Variants in SMAD2 observed in about 807,000 individuals in gnomAD.
SMAD2 encodes the protein MAD homolog 2.
Under a neutral mutation model 64.4 loss-of-function variants are expected in SMAD2, and 8 were observed. The observed-to-expected ratio is 0.12, with a 90% CI of 0.07 to 0.22. The LOEUF is 0.22. SMAD2 is among the 10% of genes least tolerant of loss of function. The pLI is 1.00. For missense variants in SMAD2, 289 were observed against 561.2 expected (o/e 0.51, Z 4.90); for synonymous variants, 203 against 195.8 (o/e 1.04, Z -0.31).
At chr18:47,883,184 CT>C (rs1237128368) in intron 2 of SMAD2, among the ~76,000 whole-genome samples, 18 of 152,332 alleles carry the variant, frequency 1.2e-4, no homozygotes, top group African/African-American at 3.8e-4. Flanking sequence ...ACTCTTTCAG[CT>C]ACATCCCACA....
At chr18:47,858,254 G>T (rs371485158) in intron 6 of SMAD2, among the ~76,000 whole-genome samples, 2 of 152,080 alleles carry the variant, frequency 1.3e-5, no homozygotes, top group East Asian at 3.9e-4. Context: ...CTTTAAAATG[G>T]AAATTATATA....
In SMAD2 at chr18:47,810,915, T is replaced by C. The variant is rs1045373518; in HGVS notation, c.*30912A>G. The C allele has an allele frequency of 5.9e-5, 9 of 152,266 alleles. No individual in the cohort carries two copies. Among genetic ancestry groups the C allele is most frequent in the African/African-American group, 2.2e-4 (9 of 41,462 alleles). The allele number at this position is 152,266 out of a possible 1,614,324, so 9.4% of individuals were successfully genotyped here. A position where few individuals can be genotyped will look rare whatever the true frequency, so the allele number is the denominator to read the frequency against. The stretch of plus-strand genomic sequence containing the variant: ...TGGGATGCAAATCGTGGTTTTCTTA[T>C]GCCAAAACAACTTCCGTGCCTGTCT... On this transcript the variant is annotated 3_prime_UTR_variant, in exon 11 of 11. Coordinates refer to ENST00000262160, the MANE Select transcript of SMAD2 (RefSeq NM_005901.6).
intron 6 of SMAD2, among the ~76,000 whole-genome samples, chr18:47,858,818 T>C (rs937916699): frequency 6.6e-6 from 1 of 152,084 alleles, no homozygotes; most frequent in South Asian, 2.1e-4. Flanking sequence ...GAAACAAAAA[T>C]TATTTGATTA....
intron 6 of SMAD2, among the ~76,000 whole-genome samples, chr18:47,859,999 G>A (rs1357921573): frequency 2.6e-5 from 4 of 152,136 alleles, no homozygotes; most frequent in African/African-American, 9.7e-5. Context: ...GCCAGGTGCA[G>A]TAGCATGTAC....
At chr18:47,895,246 A>C (rs1255176127) in intron 2 of SMAD2, 1 of 152,196 alleles carries the variant, frequency 6.6e-6, no homozygotes, top group Non-Finnish European at 1.5e-5. Flanking sequence ...CCTTTTAAAT[A>C]TTCTAATACA....
intron 2 of SMAD2, chr18:47,878,592 G>C (rs2032403044): frequency 6.6e-6 from 1 of 152,090 alleles, no homozygotes. Context: ...ACGCACTACT[G>C]CACTCCAGCC....
Position 47,839,270 on chromosome 18 carries a change from T to C in SMAD2, c.*2557A>G. 4.3e-6 allele frequency: 1 copy of C among 233,404 alleles called. No homozygotes were observed. The highest frequency in any genetic ancestry group is 8.5e-6 in the Non-Finnish European group (1 of 118,070). 14.5% of individuals were successfully genotyped at this position (233,404 alleles called of 1,614,324 possible). A position where few individuals can be genotyped will look rare whatever the true frequency, so the allele number is the denominator to read the frequency against. On this transcript the variant is annotated 3_prime_UTR_variant, in exon 11 of 11. Coordinates refer to ENST00000262160, the MANE Select transcript of SMAD2 (RefSeq NM_005901.6). ...GTAGGCACTGCTTGACCTAACACAG[T>C]AATGCAAGAGTAACCACCAAGATCA... is the stretch of plus-strand genomic sequence containing the variant.
chr18:47,929,726 A>T (rs577643107), intron 1 of SMAD2, among the ~76,000 whole-genome samples: 3 of 152,346 alleles, frequency 2.0e-5, no homozygotes, highest in African/African-American at 7.2e-5. Context: ...TAAGTAAAAG[A>T]CAAAAGTACC....
chr18:47,896,898 A>C, intron 1 of SMAD2, 89 bp from the exon 2 acceptor site: 4 of 1,241,232 alleles, frequency 3.2e-6, no homozygotes, highest in Non-Finnish European at 4.5e-6. Context: ...ACTGCAAAGC[A>C]AGATAGAAAT....
intron 6 of SMAD2, among the ~76,000 whole-genome samples, chr18:47,855,686 A>G (rs1362912597): frequency 6.6e-6 from 1 of 151,960 alleles, no homozygotes; most frequent in Non-Finnish European, 1.5e-5. Context: ...CAGTGTCACA[A>G]TCTTGGCTCA....
In SMAD2 at chr18:47,810,645, T is replaced by C. The variant is rs1436887946; in HGVS notation, c.*31182A>G. 1 of 152,086 alleles carries C rather than the reference T, an allele frequency of 6.6e-6. No individual in the cohort carries two copies. Among genetic ancestry groups the C allele is most frequent in the East Asian group, 1.9e-4 (1 of 5,180 alleles). 9.4% of individuals were successfully genotyped at this position (152,086 alleles called of 1,614,324 possible). On this transcript the variant is annotated 3_prime_UTR_variant, in exon 11 of 11. Coordinates refer to ENST00000262160, the MANE Select transcript of SMAD2 (RefSeq NM_005901.6). Reference sequence around the variant, plus strand: ...CCAACTAACATTTGACTTGGAAATATAAATAAAGCCCAGGCATGGTGGCTC... The same window carrying C: ...CCAACTAACATTTGACTTGGAAATACAAATAAAGCCCAGGCATGGTGGCTC...
intron 1 of SMAD2, among the ~76,000 whole-genome samples, chr18:47,919,475 C>T (rs1471434932): frequency 6.3e-4 from 5 of 7,948 alleles, no homozygotes; most frequent in Admixed American, 2.7e-3. Flanking sequence ...AAAATACACA[C>T]ACACACACAC....
At position 47,820,361 on chromosome 18, in the gene SMAD2, T is replaced by C. The variant is rs1284262144; in HGVS notation, c.*21466A>G. On this transcript the variant is annotated 3_prime_UTR_variant, in exon 11 of 11. Transcript: ENST00000262160. ...AAAATACACAATTCCATATACAAAG[T>C]GTACCCAAAAAAAGATGTTTTGATG... The C allele has an allele frequency of 6.6e-6, 1 of 152,096 alleles. No homozygotes were observed. Among genetic ancestry groups the C allele is most frequent in the African/African-American group, 2.4e-5 (1 of 41,428 alleles). The allele number at this position is 152,096 out of a possible 1,614,324, so 9.4% of individuals were successfully genotyped here.
chr18:47,927,526 A>G (rs1403978685), intron 1 of SMAD2, among the ~76,000 whole-genome samples: 1 of 152,266 alleles, frequency 6.6e-6, no homozygotes, highest in East Asian at 1.9e-4. Flanking sequence ...TTTGCTGTTA[A>G]GAGACTTTAT....
At position 47,835,382 on chromosome 18, in the gene SMAD2, T is replaced by G. The variant is rs1913322184; in HGVS notation, c.*6445A>C. ...TTATATAAAGCAATGGATTTCCACA[T>G]TCTTAAAGCAGGAACCTATATTCAC... On this transcript the variant is annotated 3_prime_UTR_variant, in exon 11 of 11. Coordinates refer to ENST00000262160, the MANE Select transcript of SMAD2 (RefSeq NM_005901.6). 1 of 203,704 alleles carries G rather than the reference T, an allele frequency of 4.9e-6. No homozygotes were observed. The highest frequency in any genetic ancestry group is 1.9e-4 in the South Asian group (1 of 5,294). The allele number at this position is 203,704 out of a possible 1,614,324, so 12.6% of individuals were successfully genotyped here.
chr18:47,909,215 CG>C (rs2034025333), intron 1 of SMAD2, among the ~76,000 whole-genome samples: 1 of 152,076 alleles, frequency 6.6e-6, no homozygotes, highest in South Asian at 2.1e-4. Flanking sequence ...TAAAGAAAGG[CG>C]TACCTATAGA....
Position 47,817,063 on chromosome 18 carries a change from T to C in SMAD2, c.*24764A>G, listed in dbSNP as rs971003504. 1.3e-4 allele frequency: 20 copies of C among 152,076 alleles called. No individual in the cohort carries two copies. Among genetic ancestry groups the C allele is most frequent in the African/African-American group, 4.6e-4 (19 of 41,490 alleles). 9.4% of individuals were successfully genotyped at this position (152,076 alleles called of 1,614,324 possible). A position where few individuals can be genotyped will look rare whatever the true frequency, so the allele number is the denominator to read the frequency against. On this transcript the variant is annotated 3_prime_UTR_variant, in exon 11 of 11. Transcript: ENST00000262160. ...GGCATAAGCCACCGCGCACGGCCCA[T>C]GACATGCGTATTTCTACAGCAATGC...
intron 1 of SMAD2, among the ~76,000 whole-genome samples, chr18:47,911,702 T>A (rs1408241899): frequency 1.3e-5 from 2 of 152,186 alleles, no homozygotes; most frequent in Non-Finnish European, 2.9e-5. Flanking sequence ...TGCATAGAAT[T>A]AGGGAACTGT....
At position 47,869,407 on chromosome 18, in the gene SMAD2, T is replaced by C. The variant is rs1452605724; in HGVS notation, c.356A>G (p.His119Arg). Residue 119 changes from histidine (H) to arginine (R), a missense_variant, in exon 4 of 11, where the codon CAT becomes CGT. This residue lies in a region of SMAD2 where 4 missense variants were observed against 29.5 expected (regional missense o/e 0.14). Transcript: ENST00000262160. ...RSLDGRLQVS[H>R]RKGLPHVIYC... ...TATAACATGTGGCAATCCTTTTCGA[T>C]GGGATACCTGGAGACGACCATCAAG... 1 of 1,611,078 alleles carries C rather than the reference T, an allele frequency of 6.2e-7. No individual in the cohort carries two copies. The highest frequency in any genetic ancestry group is 1.4e-5 in the African/African-American group (1 of 73,918).
Sources: gnomAD v4.1 joint callset for allele counts (sites outside exome capture counted in the v4.1 genomes callset) on GRCh38, gnomAD v4.1.1 for gene constraint, gnomAD v4.1.1 regional missense constraint, MANE v1.5 for transcripts, NCBI Gene and HGNC (gene_info 2026-07-23, HGNC 2026-07-21) for gene names.